Variants in SGCZ observed in about 807,000 individuals in gnomAD.
SGCZ encodes zeta-sarcoglycan.
A neutral mutation model predicts 41.3 loss-of-function variants in SGCZ; 40 were observed. The ratio of observed to expected loss-of-function variants is 0.97; its 90% confidence interval spans 0.75 to 1.26. The LOEUF is 1.26. SGCZ is among the 50% of genes most tolerant of loss of function. The pLI, the probability that SGCZ is intolerant of heterozygous loss-of-function variation, is 0.00. For missense variants in SGCZ, 552 were observed against 369.8 expected (o/e 1.49, Z -4.04); for synonymous variants, 206 against 137.5 (o/e 1.50, Z -3.49).
At chr8:14,636,578 T>C (rs944675204) in intron 1 of SGCZ, among the ~76,000 whole-genome samples, 8 of 151,914 alleles carry the variant, frequency 5.3e-5, no homozygotes, top group African/African-American at 1.9e-4. Context: ...GTTTGTGGGT[T>C]GTGGATAAAA....
rs1459104780 is a variant in SGCZ, at chr8:14,515,225, T to C, written c.234+39507A>G. 3.9e-5 allele frequency among the ~76,000 whole-genome samples: 6 copies of C among 152,196 alleles called. No homozygotes were observed. The East Asian group carries it at 1.2e-3, about 30-fold the overall frequency. ...TCTAGGCTACTGACATTAATACATG[T>C]ATCCAGGGCAACTGGATGGTTTCTG... On this transcript the variant is annotated intron_variant, in intron 2 of 7. Coordinates refer to ENST00000382080, the MANE Select transcript of SGCZ (RefSeq NM_139167.4).
chr8:15,183,258 T>C (rs1203669026), intron 1 of SGCZ, among the ~76,000 whole-genome samples: 1 of 152,252 alleles, frequency 6.6e-6, no homozygotes, highest in Non-Finnish European at 1.5e-5. Flanking sequence ...AAGTATTATA[T>C]ACTGTACATA....
At chr8:15,225,773 G>C (rs142421700) in intron 1 of SGCZ, among the ~76,000 whole-genome samples, 4 of 152,152 alleles carry the variant, frequency 2.6e-5, no homozygotes, top group Non-Finnish European at 5.9e-5. Flanking sequence ...AGGAAACCAG[G>C]TGGTTCCTTA....
At chr8:14,362,085 T>G (rs1803535714) in intron 2 of SGCZ, among the ~76,000 whole-genome samples, 1 of 152,088 alleles carries the variant, frequency 6.6e-6, no homozygotes, top group African/African-American at 2.4e-5. Flanking sequence ...CCTGCCTGTT[T>G]GAGGTGTCTG....
intron 1 of SGCZ, among the ~76,000 whole-genome samples, chr8:14,820,994 A>G (rs1000296322): frequency 8.6e-5 from 13 of 151,862 alleles, no homozygotes; most frequent in African/African-American, 2.4e-4. Context: ...CAGAGCAGAG[A>G]TAAGTAAAAT....
At chr8:14,954,208 C>T (rs933802330) in intron 1 of SGCZ, among the ~76,000 whole-genome samples, 16 of 152,102 alleles carry the variant, frequency 1.1e-4, no homozygotes, top group Admixed American at 4.6e-4. Flanking sequence ...TATTTATATA[C>T]GCTTTCTTTG....
chr8:14,182,353 A>T (rs1441382889), intron 4 of SGCZ, among the ~76,000 whole-genome samples: 1 of 152,176 alleles, frequency 6.6e-6, no homozygotes, highest in Non-Finnish European at 1.5e-5. Flanking sequence ...TCTGAGAACC[A>T]ACCAGGAAAT....
intron 1 of SGCZ, among the ~76,000 whole-genome samples, chr8:14,983,906 A>T (rs73203317): frequency 0.012 from 1,799 of 152,298 alleles, 18 homozygotes; most frequent in Middle Eastern, 0.024. Context: ...ATTATGTTTT[A>T]TTATAAATGT....
chr8:15,045,687 G>A (rs1406955938), intron 1 of SGCZ, among the ~76,000 whole-genome samples: 1 of 152,042 alleles, frequency 6.6e-6, no homozygotes, highest in Non-Finnish European at 1.5e-5. Context: ...GCATCCCCGT[G>A]TTCTGCTACA....
chr8:14,155,700 A>G (rs1803855751), intron 5 of SGCZ, among the ~76,000 whole-genome samples: 2 of 150,308 alleles, frequency 1.3e-5, no homozygotes, highest in South Asian at 4.1e-4. Flanking sequence ...TTATATATGT[A>G]AAATATATAT....
At chr8:14,426,935 A>T (rs1404481948) in intron 2 of SGCZ, among the ~76,000 whole-genome samples, 1 of 152,112 alleles carries the variant, frequency 6.6e-6, no homozygotes, top group Non-Finnish European at 1.5e-5. Flanking sequence ...ATTATTTATT[A>T]TTATTATTTT....
intron 1 of SGCZ, among the ~76,000 whole-genome samples, chr8:14,747,243 G>A (rs2247583): frequency 0.3 from 45,378 of 152,080 alleles, 7,899 homozygotes; most frequent in Non-Finnish European, 0.4. Context: ...GTGCTGAGTC[G>A]TGTGTGAATA....
At chr8:15,195,901 T>A (rs1399551558) in intron 1 of SGCZ, among the ~76,000 whole-genome samples, 3 of 125,246 alleles carry the variant, frequency 2.4e-5, no homozygotes, top group African/African-American at 9.3e-5. Flanking sequence ...TTTTTTTTTT[T>A]TTTTTTTTTT....
intron 4 of SGCZ, among the ~76,000 whole-genome samples, chr8:14,188,337 A>G (rs955081495): frequency 3.9e-5 from 6 of 152,188 alleles, no homozygotes; most frequent in African/African-American, 7.2e-5. Flanking sequence ...AGGCAAATGG[A>G]TCCGTACAGT....
At chr8:14,855,456 C>A (rs79141393) in intron 1 of SGCZ, among the ~76,000 whole-genome samples, 233 of 152,204 alleles carry the variant, frequency 1.5e-3, no homozygotes, top group African/African-American at 5.5e-3. Flanking sequence ...AACATTGCCC[C>A]ATTTTACCCT....
chr8:14,518,960 T>C (rs908939775), intron 2 of SGCZ, among the ~76,000 whole-genome samples: 1 of 149,832 alleles, frequency 6.7e-6, no homozygotes. Flanking sequence ...TCCCAGATAC[T>C]TGGGAGGCTG....
At chr8:14,976,926 C>A (rs1180200612) in intron 1 of SGCZ, among the ~76,000 whole-genome samples, 2 of 152,190 alleles carry the variant, frequency 1.3e-5, no homozygotes, top group Admixed American at 1.3e-4. Flanking sequence ...GAGTGACGTA[C>A]ATTGTTGAAT....
At chr8:14,281,858 C>T (rs185243672) in intron 3 of SGCZ, among the ~76,000 whole-genome samples, 30 of 44,146 alleles carry the variant, frequency 6.8e-4, no homozygotes, top group South Asian at 3.3e-3. Context: ...TTTGTCAGAA[C>T]CATACTGTTC....
chr8:15,100,485 T>G (rs1158804825), intron 1 of SGCZ, among the ~76,000 whole-genome samples: 1 of 152,194 alleles, frequency 6.6e-6, no homozygotes, highest in African/African-American at 2.4e-5. Flanking sequence ...TAATCCATGT[T>G]CATGAATAGG....
Sources: allele counts gnomAD v4.1 joint callset (sites outside exome capture counted in the v4.1 genomes callset), GRCh38; gene constraint gnomAD v4.1.1; transcripts MANE v1.5; gene names NCBI Gene and HGNC (gene_info 2026-07-23, HGNC 2026-07-21).